The following ZC3H12B variants were observed in gnomAD, a reference collection of about 807,000 sequenced individuals.
ZC3H12B encodes the protein zinc finger CCCH-type containing 12B.
In ZC3H12B, 7 loss-of-function variants were observed where a neutral mutation model predicts 43.9. That is an observed-to-expected ratio of 0.16 (90% CI 0.09 to 0.30). The LOEUF (loss-of-function observed/expected upper bound fraction) is 0.30. Among genes scored for constraint, ZC3H12B ranks in the 10% least tolerant of loss-of-function variants. The pLI, the probability that ZC3H12B is intolerant of heterozygous loss-of-function variation, is 1.00. For missense variants in ZC3H12B, 475 were observed against 670.2 expected (o/e 0.71, Z 3.22); for synonymous variants, 222 against 241.7 (o/e 0.92, Z 0.76).
At chrX:65,258,587 G>A in the ZC3H12B span, among the ~76,000 whole-genome samples, 2 of 111,664 alleles carry the variant, frequency 1.8e-5, no homozygotes, top group East Asian at 2.8e-4. Flanking sequence ...GCAAGAGAAA[G>A]AAATAAAGGC....
the ZC3H12B span, among the ~76,000 whole-genome samples, chrX:65,351,691 A>C: frequency 8.9e-6 from 1 of 112,854 alleles, no homozygotes; most frequent in Non-Finnish European, 1.9e-5. Context: ...GAAGACATTT[A>C]TGCAGCTAAC....
At chrX:65,162,753 T>A in the ZC3H12B span, among the ~76,000 whole-genome samples, 2 of 108,244 alleles carry the variant, frequency 1.8e-5, no homozygotes, top group African/African-American at 3.7e-5. Context: ...GTCTGAAGCC[T>A]TCTTCTCTCA....
intron 3 of ZC3H12B, among the ~76,000 whole-genome samples, chrX:65,466,322 A>G (rs2067817064): frequency 9.0e-6 from 1 of 110,724 alleles, no homozygotes; most frequent in South Asian, 3.8e-4. Flanking sequence ...AGTTGTCACA[A>G]ATAGAATGAT....
chrX:65,317,144 G>A, the ZC3H12B span, among the ~76,000 whole-genome samples: 1 of 110,588 alleles, frequency 9.0e-6, no homozygotes, highest in Non-Finnish European at 1.9e-5. Context: ...GATTTATATA[G>A]CAAGCTTTTA....
chrX:65,408,461 C>T, intron 3 of ZC3H12B: 1 of 1,210,843 alleles, frequency 8.3e-7, no homozygotes, highest in East Asian at 3.0e-5. Flanking sequence ...CGGGCAGCAG[C>T]AGTTGCAAGC....
intron 3 of ZC3H12B, among the ~76,000 whole-genome samples, chrX:65,466,258 A>AT (rs1473290779): frequency 9.0e-6 from 1 of 110,501 alleles, no homozygotes; most frequent in Admixed American, 9.8e-5. Context: ...TGGGGTATAT[A>AT]TTTTTCTACA....
chrX:65,103,778 A>G, the ZC3H12B span, among the ~76,000 whole-genome samples: 1 of 111,882 alleles, frequency 8.9e-6, no homozygotes, highest in Non-Finnish European at 1.9e-5. Flanking sequence ...GAGGACACAA[A>G]CAAATGGAAA....
At chrX:65,119,998 T>C in the ZC3H12B span, among the ~76,000 whole-genome samples, 1 of 111,731 alleles carries the variant, frequency 9.0e-6, no homozygotes, top group African/African-American at 3.3e-5. Context: ...TCAGTTCCAT[T>C]GGTCTATATG....
At chrX:65,218,693 C>A in the ZC3H12B span, among the ~76,000 whole-genome samples, 1 of 111,182 alleles carries the variant, frequency 9.0e-6, no homozygotes, top group Non-Finnish European at 1.9e-5. Flanking sequence ...TGATCTGAGA[C>A]TCACCTAACC....
chrX:65,507,042 C>CTT (rs2068433034), exon 5 of ZC3H12B: 1 of 111,773 alleles, frequency 8.9e-6, no homozygotes, highest in Admixed American at 9.6e-5. Context: ...AATAAATTAT[C>CTT]TTTATACAGT....
chrX:65,086,046 CT>C, the ZC3H12B span, among the ~76,000 whole-genome samples: 214 of 92,341 alleles, frequency 2.3e-3, 1 homozygote, highest in Middle Eastern at 5.6e-3. Context: ...CTAATAATGT[CT>C]TTTTTTTTTT....
At chrX:65,485,008 G>A (rs1340356423), upstream of ZC3H12B, among the ~76,000 whole-genome samples, 2 of 111,873 alleles carry the variant, frequency 1.8e-5, no homozygotes, top group Non-Finnish European at 3.8e-5. Context: ...GCCTGCATAT[G>A]TTTCTCTGCT....
At chrX:65,474,151 G>T (rs1306551808) in intron 3 of ZC3H12B, among the ~76,000 whole-genome samples, 3 of 111,997 alleles carry the variant, frequency 2.7e-5, no homozygotes, top group African/African-American at 9.7e-5. Flanking sequence ...GTTCTCAGAT[G>T]TTGGGTGTGT....
In ZC3H12B at chrX:65,493,332, G is replaced by A. The variant is rs1042528474; in HGVS notation, c.609-3800G>A. ...CAGAACGCAGAGGTTGCAGTGAGCC[G>A]AGATTGCGCCACTACACTCCAGCCT... On this transcript the variant is annotated intron_variant, in intron 1 of 4. Transcript: ENST00000338957. Among the ~76,000 whole-genome samples, 16 of 108,821 alleles carry A rather than the reference G, an allele frequency of 1.5e-4. 1 individual carries two copies. Among genetic ancestry groups the A allele is most frequent in the Non-Finnish European group, 1.9e-4 (10 of 52,299 alleles). The allele number at this position is 108,821 out of a possible 115,157, so 94.5% of individuals were successfully genotyped here.
At chrX:65,073,140 G>A in the ZC3H12B span, among the ~76,000 whole-genome samples, 3 of 112,223 alleles carry the variant, frequency 2.7e-5, no homozygotes, top group Admixed American at 1.9e-4. Flanking sequence ...GGGATGGGAG[G>A]AAGAATGCAA....
At chrX:65,130,657 A>G in the ZC3H12B span, among the ~76,000 whole-genome samples, 1 of 111,741 alleles carries the variant, frequency 8.9e-6, no homozygotes, top group Non-Finnish European at 1.9e-5. Flanking sequence ...AGTGGCTTGT[A>G]ACCTACATGG....
chrX:65,226,200 A>G, the ZC3H12B span, among the ~76,000 whole-genome samples: 1 of 112,018 alleles, frequency 8.9e-6, no homozygotes, highest in Non-Finnish European at 1.9e-5. Context: ...TACAAGCCAG[A>G]AGAGAGTGGG....
chrX:65,227,567 C>A, the ZC3H12B span, among the ~76,000 whole-genome samples: 26 of 111,401 alleles, frequency 2.3e-4, no homozygotes, highest in Non-Finnish European at 4.3e-4. Flanking sequence ...ACACAAAAAA[C>A]CCTTCAAAAA....
the ZC3H12B span, among the ~76,000 whole-genome samples, chrX:65,153,666 A>G: frequency 1.4e-3 from 152 of 112,209 alleles, 1 homozygote; most frequent in Middle Eastern, 4.7e-3. Flanking sequence ...GTGGAAGTCA[A>G]TGTGGTGATT....
Sources: gnomAD v4.1 joint callset for allele counts (sites outside exome capture counted in the v4.1 genomes callset) on GRCh38, gnomAD v4.1.1 for gene constraint, MANE v1.5 for transcripts, NCBI Gene and HGNC (gene_info 2026-07-23, HGNC 2026-07-21) for gene names.